The following ADAMTSL1 variants were observed in gnomAD, a reference collection of about 807,000 sequenced individuals.
The protein encoded by ADAMTSL1 is ADAMTS like 1, also known as ADAMTS-like protein 1.
A neutral mutation model predicts 201.8 loss-of-function variants in ADAMTSL1; 126 were observed. The ratio of observed to expected loss-of-function variants is 0.62; its 90% CI spans 0.54 to 0.72. The LOEUF (loss-of-function observed/expected upper bound fraction) is 0.72. Ranked by LOEUF, ADAMTSL1 falls within the 30% of genes least tolerant of loss-of-function variation. ADAMTSL1 has a pLI of 0.00. For synonymous variants in ADAMTSL1, 1,121 were observed against 903.4 expected, an observed-to-expected ratio of 1.24 and a Z score of -4.32; for missense variants, 2,679 against 2,277.8, an observed-to-expected ratio of 1.18 and a Z score of -3.59.
At chr9:17,966,285 G>A (rs947279298) in intron 1 of ADAMTSL1, among the ~76,000 whole-genome samples, 1 of 152,212 alleles carries the variant, frequency 6.6e-6, no homozygotes, top group East Asian at 1.9e-4. Flanking sequence ...TATAGAAAAG[G>A]TTTACTTGCT....
chr9:18,588,647 G>T (rs1009722023), intron 4 of ADAMTSL1, among the ~76,000 whole-genome samples: 19 of 151,638 alleles, frequency 1.3e-4, no homozygotes, highest in Non-Finnish European at 2.1e-4. Flanking sequence ...ACTAAAAAAT[G>T]GGGCTCTAAT....
intron 3 of ADAMTSL1, among the ~76,000 whole-genome samples, chr9:18,545,544 GA>G (rs1820419882): frequency 6.6e-6 from 1 of 152,100 alleles, no homozygotes; most frequent in African/African-American, 2.4e-5. Flanking sequence ...GAACTGCTGA[GA>G]ATTTTTAATG....
Position 18,140,898 on chromosome 9 carries a change from A to G in ADAMTSL1, c.88-22964A>G, listed in dbSNP as rs1016058769. On this transcript the variant is annotated intron_variant, in intron 1 of 29. Coordinates refer to the ADAMTSL1 transcript ENST00000680146. ...GCTGTCCAAAATTAGGCTACTTGGA[A>G]AACAATGAGAGGGAGGCAAAATTTC... Among the ~76,000 whole-genome samples the G allele has an allele frequency of 2.6e-5, 4 of 152,224 alleles. No individual in the cohort carries two copies. The South Asian group carries it at 8.3e-4, about 32-fold the overall frequency.
chr9:18,479,685 G>A (rs1821626366), intron 1 of ADAMTSL1, among the ~76,000 whole-genome samples: 2 of 152,194 alleles, frequency 1.3e-5, no homozygotes, highest in African/African-American at 4.8e-5. Context: ...CCACAAAGCT[G>A]TGGGGGACAG....
chr9:18,249,486 C>T (rs1354644528), intron 2 of ADAMTSL1, among the ~76,000 whole-genome samples: 1 of 152,056 alleles, frequency 6.6e-6, no homozygotes, highest in African/African-American at 2.4e-5. Context: ...TTGCAAACAC[C>T]AGTATACTCA....
At chr9:18,839,472 T>A (rs1825571303) in intron 23 of ADAMTSL1, among the ~76,000 whole-genome samples, 1 of 152,178 alleles carries the variant, frequency 6.6e-6, no homozygotes, top group South Asian at 2.1e-4. Flanking sequence ...TTTGCTATTG[T>A]GAATAGTGCC....
intron 1 of ADAMTSL1, among the ~76,000 whole-genome samples, chr9:18,020,222 G>A (rs1456159354): frequency 2.0e-5 from 3 of 152,156 alleles, no homozygotes; most frequent in African/African-American, 2.4e-5. Context: ...GGAGGGGACA[G>A]GCAGTTTCTA....
rs146703092 is a variant in ADAMTSL1, at chr9:18,900,333, T to C, written c.4852-5449T>C. ...AACACTTTCACACTGTTGGTGAGAA[T>C]ATAAATTAGTACAACCATTGTGGAA... is the stretch of plus-strand genomic sequence containing the variant. On this transcript the variant is annotated intron_variant, in intron 26 of 28. Coordinates refer to ENST00000380548, the MANE Select transcript of ADAMTSL1 (RefSeq NM_001040272.6). 2.8e-3 allele frequency among the ~76,000 whole-genome samples: 428 copies of C among 152,312 alleles called. 1 individual carries two copies. The highest frequency in any genetic ancestry group is 9.7e-3 in the African/African-American group (405 of 41,570).
At chr9:18,197,300 C>T (rs147350503) in intron 2 of ADAMTSL1, among the ~76,000 whole-genome samples, 1,845 of 152,208 alleles carry the variant, frequency 0.012, 51 homozygotes, top group African/African-American at 0.043. Context: ...ACTGATTCTT[C>T]CAACCCATGA....
intron 1 of ADAMTSL1, among the ~76,000 whole-genome samples, chr9:18,491,943 A>T (rs1482499349): frequency 6.6e-6 from 1 of 152,208 alleles, no homozygotes; most frequent in South Asian, 2.1e-4. Flanking sequence ...ACTCTGGACA[A>T]GATTTTAAAG....
intron 2 of ADAMTSL1, among the ~76,000 whole-genome samples, chr9:18,181,801 G>T (rs1828491745): frequency 6.6e-6 from 1 of 151,840 alleles, no homozygotes; most frequent in African/African-American, 2.4e-5. Context: ...ATACCCAAAG[G>T]ATTATAAATC....
intron 2 of ADAMTSL1, among the ~76,000 whole-genome samples, chr9:18,222,746 T>C (rs188684895): frequency 2.6e-5 from 4 of 151,960 alleles, no homozygotes; most frequent in Admixed American, 2.0e-4. Flanking sequence ...TTGTTTATTA[T>C]GTATAGAAAA....
intron 23 of ADAMTSL1, among the ~76,000 whole-genome samples, chr9:18,885,162 C>G (rs1041429742): frequency 3.9e-5 from 6 of 152,160 alleles, no homozygotes; most frequent in Non-Finnish European, 8.8e-5. Context: ...TTATAATGAA[C>G]AGAAATTTAG....
intron 3 of ADAMTSL1, among the ~76,000 whole-genome samples, chr9:18,551,341 G>A (rs1820786367): frequency 6.6e-6 from 1 of 151,682 alleles, no homozygotes; most frequent in African/African-American, 2.4e-5. Flanking sequence ...AGGACAATTT[G>A]CCTCTATGTT....
intron 1 of ADAMTSL1, among the ~76,000 whole-genome samples, chr9:18,079,498 C>T (rs773862043): frequency 7.2e-5 from 11 of 151,868 alleles, no homozygotes; most frequent in African/African-American, 2.2e-4. Flanking sequence ...CTGGCTAACA[C>T]GGTGAAACCC....
intron 2 of ADAMTSL1, among the ~76,000 whole-genome samples, chr9:18,227,256 T>C (rs1830465054): frequency 6.6e-6 from 1 of 152,188 alleles, no homozygotes; most frequent in Non-Finnish European, 1.5e-5. Flanking sequence ...TCAGCAGTTA[T>C]GGAATACCTA....
rs116478113 is a variant in ADAMTSL1 at position 18,071,708 on chromosome 9, A to C, written c.88-92154A>C. ...TCCTCTATAGAGATTTCTCTGTATC[A>C]GGACGTTTCCTCGAAAGTAGGAGAT... is the stretch of plus-strand genomic sequence containing the variant. On this transcript the variant is annotated intron_variant, in intron 1 of 29. Coordinates refer to the ADAMTSL1 transcript ENST00000680146. 1.7e-3 allele frequency among the ~76,000 whole-genome samples: 265 copies of C among 152,336 alleles called. 2 individuals are homozygous for C. The highest frequency in any genetic ancestry group is 5.8e-3 in the African/African-American group (240 of 41,576).
chr9:18,622,463 T>A, intron 5 of ADAMTSL1, 94 bp downstream of exon 5: 1 of 1,556,246 alleles, frequency 6.4e-7, no homozygotes, highest in Non-Finnish European at 8.8e-7. Flanking sequence ...GAACAACACC[T>A]CCACCAAAAC....
chr9:18,404,624 C>T (rs1818113399), intron 2 of ADAMTSL1, among the ~76,000 whole-genome samples: 1 of 152,206 alleles, frequency 6.6e-6, no homozygotes. Flanking sequence ...CACAAACAGT[C>T]TGAATATCTT....
Sources: gnomAD v4.1 joint callset for allele counts (sites outside exome capture counted in the v4.1 genomes callset) on GRCh38, gnomAD v4.1.1 for gene constraint, MANE v1.5 for transcripts, NCBI Gene and HGNC (gene_info 2026-07-23, HGNC 2026-07-21) for gene names.